Variants in CCDC39 observed in about 807,000 individuals in gnomAD.
CCDC39 encodes coiled-coil domain-containing protein 39.
CCDC39 carries 113 observed loss-of-function variants against 121.0 expected under a neutral mutation model. The ratio of observed to expected loss-of-function variants is 0.93; its 90% CI spans 0.80 to 1.09. The LOEUF is 1.09. Among genes scored for constraint, CCDC39 ranks in the 50% least tolerant of loss-of-function variants. The pLI, the probability that CCDC39 is intolerant of heterozygous loss-of-function variation, is 0.00. For missense variants in CCDC39, 1,063 were observed against 1,074.7 expected (o/e 0.99, Z 0.15); for synonymous variants, 349 against 352.2 (o/e 0.99, Z 0.10).
chr3:180,660,013 A>G (rs1390433599), intron 4 of CCDC39, among the ~76,000 whole-genome samples: 2 of 152,224 alleles, frequency 1.3e-5, no homozygotes, highest in East Asian at 3.9e-4. Flanking sequence ...AGTAAATTAG[A>G]AAAAAGATTA....
rs766226632 is a variant in CCDC39 at position 180,654,835 on chromosome 3, G to C, written c.857C>G (p.Ala286Gly). The stretch of plus-strand genomic sequence containing the variant: ...TCTACATTTTAAAAGTTTACGATCA[G>C]CCACAGAAATTCTTTTCTCAAACTC... ...NTEFEKRISV[A>G]DRKLLKCRTA... The change falls in exon 7 of 20, where the codon GCT becomes GGT. Residue 286 changes from alanine to glycine, a missense_variant. Ala to Gly is a moderately conservative substitution (Grantham distance 60). Transcript: ENST00000476379. 12 of 1,609,852 alleles carry C rather than the reference G, an allele frequency of 7.5e-6. No homozygotes were observed. In the East Asian group the frequency reaches 2.7e-4, roughly 36 times the overall value.
At chr3:180,615,811 A>G (rs1295220186) in intron 19 of CCDC39, among the ~76,000 whole-genome samples, 2 of 152,136 alleles carry the variant, frequency 1.3e-5, no homozygotes, top group South Asian at 2.1e-4. Context: ...AGAAAAAAAA[A>G]GGGGTTTCCT....
intron 1 of CCDC39, among the ~76,000 whole-genome samples, chr3:180,673,012 T>C (rs1712092533): frequency 6.6e-6 from 1 of 152,174 alleles, no homozygotes; most frequent in African/African-American, 2.4e-5. Flanking sequence ...GCTAGAGAAC[T>C]AGAATCAAAA....
At chr3:180,637,950 A>G (rs1163767634) in intron 13 of CCDC39, among the ~76,000 whole-genome samples, 1 of 152,146 alleles carries the variant, frequency 6.6e-6, no homozygotes, top group Non-Finnish European at 1.5e-5. Context: ...AAGGAGGGAT[A>G]AAAACAGAAA....
At position 180,648,155 on chromosome 3, in the gene CCDC39, T is replaced by C; in HGVS notation, c.1362+10A>G. The C allele has an allele frequency of 6.3e-7, 1 of 1,596,710 alleles. No homozygotes were observed. Among genetic ancestry groups the C allele is most frequent in the Non-Finnish European group, 8.6e-7 (1 of 1,166,316 alleles). The stretch of plus-strand genomic sequence containing the variant: ...TCAATATGGAAGATATTCATAAAAG[T>C]AACATCTACCTGGCTGTACATAATT... On this transcript the variant is annotated intron_variant, in intron 10 of 19. Coordinates refer to ENST00000476379, the MANE Select transcript of CCDC39 (RefSeq NM_181426.2).
chr3:180,661,806 G>T, intron 3 of CCDC39, 55 bp downstream of exon 3: 8 of 1,447,416 alleles, frequency 5.5e-6, no homozygotes, highest in East Asian at 2.5e-5. Context: ...ATGCTCATTT[G>T]GTGATGGAAG....
chr3:180,618,479 C>T (rs956659052), intron 16 of CCDC39, among the ~76,000 whole-genome samples: 2 of 151,798 alleles, frequency 1.3e-5, no homozygotes, highest in Non-Finnish European at 2.9e-5. Context: ...CATATGTATA[C>T]ATGTGCCATG....
chr3:180,617,589 T>C (rs1000004216), intron 16 of CCDC39: 6 of 452,506 alleles, frequency 1.3e-5, no homozygotes, highest in Non-Finnish European at 2.0e-5. Context: ...TGTGTGTGTA[T>C]GTGTCTTAGT....
intron 9 of CCDC39, among the ~76,000 whole-genome samples, chr3:180,650,620 G>A (rs145091465): frequency 2.0e-3 from 297 of 152,242 alleles, no homozygotes; most frequent in African/African-American, 7.0e-3. Flanking sequence ...ACTTTGGGAA[G>A]CGGAGGAGGG....
At chr3:180,645,811 T>C (rs1718054773) in intron 11 of CCDC39, among the ~76,000 whole-genome samples, 1 of 152,090 alleles carries the variant, frequency 6.6e-6, no homozygotes, top group Non-Finnish European at 1.5e-5. Flanking sequence ...TGTATCTCTC[T>C]GTTAAAACCA....
chr3:180,670,450 C>T (rs1712008420), intron 1 of CCDC39, among the ~76,000 whole-genome samples: 1 of 151,916 alleles, frequency 6.6e-6, no homozygotes, highest in Non-Finnish European at 1.5e-5. Flanking sequence ...AGTATTCTCA[C>T]CTACAAGTAA....
At chr3:180,650,230 T>A (rs1049548367) in intron 9 of CCDC39, among the ~76,000 whole-genome samples, 1 of 152,234 alleles carries the variant, frequency 6.6e-6, no homozygotes, top group South Asian at 2.1e-4. Flanking sequence ...TTTAATGCCA[T>A]CAACATGCCA....
chr3:180,654,792 A>T lies in CCDC39; in HGVS notation c.900T>A (p.His300Gln), dbSNP rs201684898. 1,193 of 1,609,198 alleles carry T rather than the reference A, an allele frequency of 7.4e-4. 2 individuals are homozygous for T. The highest frequency in any genetic ancestry group is 1.8e-3 in the Middle Eastern group (11 of 6,072). The change falls in exon 7 of 20, where the codon CAT becomes CAA. Residue 300 changes from histidine to glutamine, a missense_variant. His to Gln is a conservative substitution (Grantham distance 24). Transcript: ENST00000476379. ...CCTTCAGCTGAATTCTACTAGTTTC[A>T]TGGTCCTGATATGCCGTTCTACATT... is the stretch of plus-strand genomic sequence containing the variant. Reference protein sequence around the residue: ...LLKCRTAYQDHETSRIQLKGE... With the variant: ...LLKCRTAYQDQETSRIQLKGE...
chr3:180,661,784 A>T, intron 3 of CCDC39, 77 bp downstream of exon 3: 1 of 1,380,650 alleles, frequency 7.2e-7, no homozygotes, highest in Admixed American at 2.4e-5. Flanking sequence ...CATACAAGAA[A>T]AAAAAAAGTC....
chr3:180,641,864 T>A, intron 13 of CCDC39, 129 bp downstream of exon 13: 1 of 568,790 alleles, frequency 1.8e-6, no homozygotes, highest in Non-Finnish European at 3.0e-6. Context: ...GCCCTATGTC[T>A]TTCTTATATG....
intron 1 of CCDC39, among the ~76,000 whole-genome samples, chr3:180,675,090 G>A (rs1234811777): frequency 6.6e-6 from 1 of 152,130 alleles, no homozygotes; most frequent in Non-Finnish European, 1.5e-5. Flanking sequence ...GTAAAATTTG[G>A]CTGTGAATAC....
At chr3:180,637,065 A>C (rs1408860971) in intron 13 of CCDC39, among the ~76,000 whole-genome samples, 3 of 152,200 alleles carry the variant, frequency 2.0e-5, no homozygotes, top group Non-Finnish European at 4.4e-5. Flanking sequence ...CAGCAAAAAC[A>C]AAAAGTGATA....
intron 13 of CCDC39, among the ~76,000 whole-genome samples, chr3:180,634,057 C>G (rs1393794778): frequency 6.6e-6 from 1 of 152,126 alleles, no homozygotes; most frequent in Non-Finnish European, 1.5e-5. Context: ...CTACAGTCAC[C>G]ATGCAGAGAA....
Position 180,631,544 on chromosome 3 carries a change from T to C in CCDC39, c.1923A>G (p.Arg641=), listed in dbSNP as rs768294232. 1.9e-6 allele frequency: 3 copies of C among 1,609,432 alleles called. No individual in the cohort carries two copies. Among genetic ancestry groups the C allele is most frequent in the East Asian group, 4.5e-5 (2 of 44,852 alleles). ...GCATAACAACAGTCAGAATTTCATA[T>C]CTATTCTTCAGCTTCTCAATTTTAC... The part of the protein sequence containing the change: ...RLSKIEKLKN[R]YEILTVVMLP... Residue 641 remains arginine, a synonymous_variant, in exon 14 of 20, where the codon AGA becomes AGG. Coordinates refer to ENST00000476379, the MANE Select transcript of CCDC39 (RefSeq NM_181426.2).
Sources: gnomAD v4.1 joint callset for allele counts (sites outside exome capture counted in the v4.1 genomes callset) on GRCh38, gnomAD v4.1.1 for gene constraint, MANE v1.5 for transcripts, NCBI Gene and HGNC (gene_info 2026-07-23, HGNC 2026-07-21) for gene names.